Variants in GRIP1 observed in about 807,000 individuals in gnomAD.
The protein encoded by GRIP1 is glutamate receptor-interacting protein 1.
In GRIP1, 45 loss-of-function variants were observed where a neutral mutation model predicts 129.9. The ratio of observed to expected loss-of-function variants is 0.35; its 90% confidence interval spans 0.27 to 0.44. The LOEUF is 0.44. Ranked by LOEUF, GRIP1 falls within the 20% of genes least tolerant of loss-of-function variation. The pLI is 1.00. For missense variants in GRIP1, 1,196 were observed against 1,396.8 expected (o/e 0.86, Z 2.29); for synonymous variants, 530 against 520.8 (o/e 1.02, Z -0.24).
At chr12:66,624,544 A>T (rs1326279957) in intron 1 of GRIP1, among the ~76,000 whole-genome samples, 1 of 152,196 alleles carries the variant, frequency 6.6e-6, no homozygotes, top group Non-Finnish European at 1.5e-5. Flanking sequence ...GCATTAGAGA[A>T]ATAAAGCATG....
chr12:66,761,410 T>A (rs952607069), intron 1 of GRIP1, among the ~76,000 whole-genome samples: 3 of 152,212 alleles, frequency 2.0e-5, no homozygotes, highest in Non-Finnish European at 4.4e-5. Context: ...TTGCTTATTG[T>A]TTCCTTACCT....
intron 1 of GRIP1, among the ~76,000 whole-genome samples, chr12:66,647,757 A>G (rs2032486255): frequency 6.6e-6 from 1 of 152,182 alleles, no homozygotes; most frequent in African/African-American, 2.4e-5. Context: ...TACTTTGTAA[A>G]TCATGATCGT....
intron 5 of GRIP1, among the ~76,000 whole-genome samples, chr12:66,521,416 T>C (rs925089814): frequency 2.8e-4 from 42 of 152,254 alleles, no homozygotes; most frequent in African/African-American, 7.5e-4. Flanking sequence ...TTAATTTTAA[T>C]TAATGTTTTA....
At chr12:66,968,044 C>T (rs998330642) in intron 1 of GRIP1, among the ~76,000 whole-genome samples, 15 of 152,124 alleles carry the variant, frequency 9.9e-5, no homozygotes, top group Non-Finnish European at 1.9e-4. Context: ...TGTTGAAGTC[C>T]ACAGCTACAA....
At chr12:66,832,696 A>G (rs1318051506) in intron 1 of GRIP1, among the ~76,000 whole-genome samples, 1 of 152,194 alleles carries the variant, frequency 6.6e-6, no homozygotes, top group African/African-American at 2.4e-5. Context: ...ATTCTACATC[A>G]TGCTTCTTTA....
At chr12:66,900,923 G>T (rs147571196) in intron 1 of GRIP1, among the ~76,000 whole-genome samples, 1 of 152,154 alleles carries the variant, frequency 6.6e-6, no homozygotes, top group Non-Finnish European at 1.5e-5. Flanking sequence ...AAATACTTTC[G>T]GTCTTGGCTC....
intron 23 of GRIP1, among the ~76,000 whole-genome samples, chr12:66,369,867 G>A (rs1475016926): frequency 1.3e-5 from 2 of 152,168 alleles, no homozygotes; most frequent in African/African-American, 4.8e-5. Context: ...AGTATATTAG[G>A]ATATGTGACT....
At chr12:66,877,286 T>C (rs1037564985) in intron 1 of GRIP1, among the ~76,000 whole-genome samples, 2 of 152,096 alleles carry the variant, frequency 1.3e-5, no homozygotes, top group East Asian at 1.9e-4. Flanking sequence ...TATTGACATA[T>C]GTATATTTTT....
At chr12:66,478,885 G>A (rs541148808) in intron 7 of GRIP1, among the ~76,000 whole-genome samples, 4 of 152,236 alleles carry the variant, frequency 2.6e-5, no homozygotes, top group African/African-American at 9.6e-5. Context: ...GTTATGGGGT[G>A]CAGCAATGGG....
At chr12:66,591,939 G>A (rs909095018) in intron 2 of GRIP1, among the ~76,000 whole-genome samples, 1 of 151,956 alleles carries the variant, frequency 6.6e-6, no homozygotes, top group Non-Finnish European at 1.5e-5. Flanking sequence ...TCATTTTTTT[G>A]GAGAGTCTCA....
intron 1 of GRIP1, among the ~76,000 whole-genome samples, chr12:66,789,873 T>C (rs2038474130): frequency 6.6e-6 from 1 of 152,122 alleles, no homozygotes; most frequent in Non-Finnish European, 1.5e-5. Flanking sequence ...GACCAATTAA[T>C]AACTTTTATA....
intron 1 of GRIP1, among the ~76,000 whole-genome samples, chr12:67,068,022 T>C (rs1526835): frequency 0.78 from 118,169 of 152,068 alleles, 47,508 homozygotes; most frequent in South Asian, 0.89. Context: ...GGATAAACCC[T>C]GGTGGACCTT....
Position 66,696,151 on chromosome 12 carries a change from C to T in GRIP1, c.-419-65815G>A, listed in dbSNP as rs531033827. ...AAAACCCCATTTTTTTTTTAAAGGACAACTCATAACACTTACCAGCTGTGC... is the reference window on the plus strand; with the variant it reads ...AAAACCCCATTTTTTTTTTAAAGGATAACTCATAACACTTACCAGCTGTGC... On this transcript the variant is annotated intron_variant, in intron 1 of 4. Coordinates refer to the GRIP1 transcript ENST00000538373. Among the ~76,000 whole-genome samples, 14 of 151,910 alleles carry T rather than the reference C, an allele frequency of 9.2e-5. No individual in the cohort carries two copies. In the South Asian group the frequency reaches 2.7e-3, roughly 29 times the overall value.
intron 1 of GRIP1, among the ~76,000 whole-genome samples, chr12:66,656,579 C>T (rs554049718): frequency 6.6e-6 from 1 of 152,206 alleles, no homozygotes; most frequent in Admixed American, 6.5e-5. Flanking sequence ...GCATATTTCA[C>T]TGTATCCTAG....
intron 1 of GRIP1, among the ~76,000 whole-genome samples, chr12:67,045,125 T>C (rs2043234161): frequency 6.6e-6 from 1 of 152,182 alleles, no homozygotes; most frequent in Non-Finnish European, 1.5e-5. Flanking sequence ...CACAGCACAT[T>C]GGAGATGGGA....
rs1247176703 is a variant in GRIP1 at position 67,058,059 on chromosome 12, G to T, written c.58+10991C>A. 2.0e-5 allele frequency among the ~76,000 whole-genome samples: 3 copies of T among 152,102 alleles called. No individual in the cohort carries two copies. The East Asian group carries it at 5.8e-4, about 29-fold the overall frequency. ...GGATATTAGTATATTCCTCTCAGTG[G>T]TTTACAATGGAATTTGTGAGTATCA... On this transcript the variant is annotated intron_variant, in intron 1 of 1. Transcript: ENST00000643019.
intron 7 of GRIP1, among the ~76,000 whole-genome samples, chr12:66,498,729 C>A (rs11176235): frequency 0.46 from 69,382 of 151,494 alleles, 16,093 homozygotes; most frequent in African/African-American, 0.53. Flanking sequence ...GATTTCTTAT[C>A]TTTAAAACCA....
chr12:66,575,633 T>C (rs2063114842), intron 2 of GRIP1, among the ~76,000 whole-genome samples: 1 of 152,356 alleles, frequency 6.6e-6, no homozygotes, highest in South Asian at 2.1e-4. Flanking sequence ...TATTAGCTTA[T>C]AGGCAATGTT....
chr12:66,366,674 ATTTTTG>A (rs914359780), intron 23 of GRIP1, among the ~76,000 whole-genome samples: 12 of 152,100 alleles, frequency 7.9e-5, no homozygotes, highest in Non-Finnish European at 1.8e-4. Flanking sequence ...TGTCAATATG[ATTTTTG>A]TTTTTGTTTT....
Sources: gnomAD v4.1 joint callset for allele counts (sites outside exome capture counted in the v4.1 genomes callset) on GRCh38, gnomAD v4.1.1 for gene constraint, MANE v1.5 for transcripts, NCBI Gene and HGNC (gene_info 2026-07-23, HGNC 2026-07-21) for gene names.